The following CEP63 variants were observed in gnomAD, a reference collection of about 807,000 sequenced individuals.
CEP63 encodes centrosomal protein 63.
A neutral mutation model predicts 89.1 loss-of-function variants in CEP63; 84 were observed. The ratio of observed to expected loss-of-function variants is 0.94; its 90% confidence interval spans 0.79 to 1.13. The LOEUF (loss-of-function observed/expected upper bound fraction) is 1.13, where lower values mean the gene tolerates loss of function less well. CEP63 is among the 50% of genes most tolerant of loss of function. The pLI, the probability that CEP63 is intolerant of heterozygous loss-of-function variation, is 0.00. For synonymous variants in CEP63, 267 were observed against 272.5 expected (o/e 0.98, Z 0.20); for missense variants, 838 against 813.3 (o/e 1.03, Z -0.37).
chr3:134,644,704 G>A, the CEP63 span, among the ~76,000 whole-genome samples: 18 of 152,210 alleles, frequency 1.2e-4, no homozygotes, highest in African/African-American at 4.1e-4. Context: ...CAGATCAGCC[G>A]CTCAGTGGTT....
chr3:134,624,985 G>T, the CEP63 span: 5 of 1,355,314 alleles, frequency 3.7e-6, no homozygotes, highest in East Asian at 1.2e-4. Flanking sequence ...TCTGGGGAGA[G>T]GTTTTGCTGC....
the CEP63 span, among the ~76,000 whole-genome samples, chr3:134,737,340 T>G: frequency 6.6e-6 from 1 of 152,124 alleles, no homozygotes; most frequent in Non-Finnish European, 1.5e-5. Flanking sequence ...TGTCAAAAGA[T>G]CCTACAAAGG....
chr3:134,604,143 G>A, the CEP63 span: 2 of 1,608,186 alleles, frequency 1.2e-6, no homozygotes, highest in South Asian at 1.1e-5. Context: ...CGTCGCTGGT[G>A]TGGATGATAG....
chr3:134,631,476 C>G, the CEP63 span, among the ~76,000 whole-genome samples: 1 of 152,114 alleles, frequency 6.6e-6, no homozygotes, highest in Non-Finnish European at 1.5e-5. Flanking sequence ...ATATATTAGT[C>G]TGCCCTCCTC....
downstream of CEP63, among the ~76,000 whole-genome samples, chr3:134,590,869 C>T (rs371016932): frequency 3.6e-4 from 55 of 152,306 alleles, no homozygotes; most frequent in African/African-American, 1.3e-3. Flanking sequence ...CTATGACATA[C>T]CTCCTGGACA....
chr3:134,715,517 T>G, the CEP63 span, among the ~76,000 whole-genome samples: 4 of 119,658 alleles, frequency 3.3e-5, no homozygotes, highest in African/African-American at 1.5e-4. Context: ...CAGGAAAGGT[T>G]TTTTTTTTTT....
intron 12 of CEP63, 21 bp downstream of exon 12, chr3:134,552,033 G>A (rs1049328047): frequency 3.0e-6 from 4 of 1,325,960 alleles, no homozygotes; most frequent in Non-Finnish European, 2.2e-6. Flanking sequence ...AGAAACTTAA[G>A]TTTTTCTACT....
chr3:134,700,625 C>T, the CEP63 span, among the ~76,000 whole-genome samples: 52 of 152,206 alleles, frequency 3.4e-4, 3 homozygotes, highest in African/African-American at 1.1e-3. Flanking sequence ...TCCTTATCAT[C>T]CTCCTCCATC....
chr3:134,514,222 T>G (rs1249719623), intron 3 of CEP63, among the ~76,000 whole-genome samples: 2 of 152,174 alleles, frequency 1.3e-5, no homozygotes, highest in Non-Finnish European at 2.9e-5. Flanking sequence ...AATTAAGGTC[T>G]TAAAGATTAA....
the CEP63 span, among the ~76,000 whole-genome samples, chr3:134,715,612 T>C: frequency 2.0e-5 from 3 of 151,476 alleles, no homozygotes; most frequent in South Asian, 4.2e-4. Flanking sequence ...CATTGTGATA[T>C]CAGTGCAATC....
In CEP63 at chr3:134,564,496, C is replaced by A. The variant is rs1396768010; in HGVS notation, c.*2961C>A. On this transcript the variant is annotated 3_prime_UTR_variant, in exon 15 of 15. Coordinates refer to ENST00000675561, the MANE Select transcript of CEP63 (RefSeq NM_001353108.3). ...CTTTGCTATCCGCTTTGATTTCTGT[C>A]TTTCAGGGGCTAAGTCCTGCCTACA... 1 of 985,458 alleles carries A rather than the reference C, an allele frequency of 1.0e-6. No individual in the cohort carries two copies. The highest frequency in any genetic ancestry group is 1.2e-6 in the Non-Finnish European group (1 of 829,954). 61.0% of individuals were successfully genotyped at this position (985,458 alleles called of 1,614,324 possible). A position where few individuals can be genotyped will look rare whatever the true frequency, so the allele number is the denominator to read the frequency against.
upstream of CEP63, chr3:134,486,002 C>G: frequency 2.1e-6 from 2 of 972,728 alleles, no homozygotes; most frequent in Non-Finnish European, 2.4e-6. Flanking sequence ...CCCCCCCCCC[C>G]TCCCCCGCAT....
chr3:134,778,858 A>AT, the CEP63 span, among the ~76,000 whole-genome samples: 1 of 151,944 alleles, frequency 6.6e-6, no homozygotes, highest in Non-Finnish European at 1.5e-5. Context: ...CCGCGCGGCC[A>AT]TTTTTGCTGT....
the CEP63 span, among the ~76,000 whole-genome samples, chr3:134,726,050 G>C: frequency 3.9e-5 from 6 of 152,164 alleles, no homozygotes; most frequent in South Asian, 2.1e-4. Context: ...AATAGCAAGG[G>C]CCATAACAGA....
At chr3:134,693,769 A>G in the CEP63 span, among the ~76,000 whole-genome samples, 1 of 152,176 alleles carries the variant, frequency 6.6e-6, no homozygotes, top group Non-Finnish European at 1.5e-5. Flanking sequence ...AGAGAACCTG[A>G]GTGCAAGGGC....
chr3:134,619,720 A>G, the CEP63 span, among the ~76,000 whole-genome samples: 1 of 152,234 alleles, frequency 6.6e-6, no homozygotes, highest in Non-Finnish European at 1.5e-5. Context: ...GGATGAAGAC[A>G]TTGCAAAGAA....
At chr3:134,721,493 C>T in the CEP63 span, among the ~76,000 whole-genome samples, 1 of 152,028 alleles carries the variant, frequency 6.6e-6, no homozygotes, top group African/African-American at 2.4e-5. Context: ...ACTGGAGCCT[C>T]CAGTACATGT....
chr3:134,530,301 T>C (rs1452933064), intron 3 of CEP63, among the ~76,000 whole-genome samples: 1 of 152,260 alleles, frequency 6.6e-6, no homozygotes, highest in African/African-American at 2.4e-5. Context: ...AGTTTCGTTT[T>C]ATAAGATCTT....
chr3:134,495,161 T>G lies in CEP63; in HGVS notation c.-25-135T>G, dbSNP rs1341206530. The G allele has an allele frequency of 5.7e-6, 4 of 699,154 alleles. No individual in the cohort carries two copies. The East Asian group carries it at 1.0e-4, about 18-fold the overall frequency. The allele number at this position is 699,154 out of a possible 1,614,324, so 43.3% of individuals were successfully genotyped here. Reference sequence around the variant, plus strand: ...TCCTGAAGTGATGTTCTTTGACTGCTTCTACAGTCATCTTAAGAAGTGCTG... The same window carrying G: ...TCCTGAAGTGATGTTCTTTGACTGCGTCTACAGTCATCTTAAGAAGTGCTG... On this transcript the variant is annotated intron_variant, in intron 1 of 14. Transcript: ENST00000675561.
Sources: gnomAD v4.1 joint callset for allele counts (sites outside exome capture counted in the v4.1 genomes callset) on GRCh38, gnomAD v4.1.1 for gene constraint, MANE v1.5 for transcripts, NCBI Gene and HGNC (gene_info 2026-07-23, HGNC 2026-07-21) for gene names.